Variants in CACHD1 observed in about 807,000 individuals in gnomAD.
The protein encoded by CACHD1 is cache domain containing 1, also known as VWFA and cache domain-containing protein 1.
CACHD1 carries 71 observed loss-of-function variants against 138.7 expected under a neutral mutation model. That is an observed-to-expected ratio of 0.51 (90% CI 0.42 to 0.62). The LOEUF (loss-of-function observed/expected upper bound fraction) is 0.62, where lower values mean the gene tolerates loss of function less well. Among genes scored for constraint, CACHD1 ranks in the 20% least tolerant of loss-of-function variants. The pLI, the probability that CACHD1 is intolerant of heterozygous loss-of-function variation, is 0.00. For missense variants in CACHD1, 1,389 were observed against 1,625.3 expected (o/e 0.85, Z 2.50); for synonymous variants, 578 against 591.5 (o/e 0.98, Z 0.33).
chr1:64,486,206 GT>G (rs1268340318), intron 1 of CACHD1, among the ~76,000 whole-genome samples: 1 of 151,992 alleles, frequency 6.6e-6, no homozygotes, highest in East Asian at 1.9e-4. Flanking sequence ...AAATTGGGCT[GT>G]TTATTATCGA....
At chr1:64,647,063 TAAA>T (rs536997765) in intron 8 of CACHD1, among the ~76,000 whole-genome samples, 12 of 124,362 alleles carry the variant, frequency 9.6e-5, no homozygotes, top group Non-Finnish European at 1.8e-4. Flanking sequence ...AATAGCAAAC[TAAA>T]AAAAAAAAAA....
chr1:64,521,044 G>C (rs1242265177), intron 1 of CACHD1, among the ~76,000 whole-genome samples: 1 of 152,108 alleles, frequency 6.6e-6, no homozygotes, highest in Non-Finnish European at 1.5e-5. Flanking sequence ...GTTTCTTTAG[G>C]GTAGAACTCT....
intron 16 of CACHD1, among the ~76,000 whole-genome samples, chr1:64,667,015 C>G (rs1649658655): frequency 6.6e-6 from 1 of 151,838 alleles, no homozygotes; most frequent in African/African-American, 2.4e-5. Flanking sequence ...AATTAAAAGG[C>G]TTTTTGAAAA....
At position 64,673,200 on chromosome 1, in the gene CACHD1, G is replaced by T; in HGVS notation, c.2553G>T (p.Pro851=). Reference sequence around the variant, plus strand: ...ACAGGGGTTATCTGGTGGCGCACCCGACTCTCATCGACCCCAAAGGACATG... The same window carrying T: ...ACAGGGGTTATCTGGTGGCGCACCCTACTCTCATCGACCCCAAAGGACATG... The part of the protein sequence containing the change: ...MEDRGYLVAH[P]TLIDPKGHAP... Residue 851 remains proline, a synonymous_variant, in exon 18 of 27, where the codon CCG becomes CCT. Coordinates refer to ENST00000651257, the MANE Select transcript of CACHD1 (RefSeq NM_020925.4). 1.2e-6 allele frequency: 2 copies of T among 1,613,736 alleles called. No homozygotes were observed. Among genetic ancestry groups the T allele is most frequent in the Non-Finnish European group, 1.7e-6 (2 of 1,179,984 alleles).
intron 3 of CACHD1, 140 bp downstream of exon 3, chr1:64,582,444 CT>C: frequency 2.7e-6 from 2 of 734,226 alleles, no homozygotes; most frequent in Non-Finnish European, 4.3e-6. Flanking sequence ...AGCCCTTTAT[CT>C]TTAGATAAGT....
intron 8 of CACHD1, among the ~76,000 whole-genome samples, chr1:64,644,016 G>C (rs1156487022): frequency 1.3e-5 from 2 of 152,202 alleles, no homozygotes; most frequent in African/African-American, 4.8e-5. Flanking sequence ...ACTATAGTAA[G>C]GTGCTCACAT....
chr1:64,563,483 C>A (rs780947014), intron 2 of CACHD1, among the ~76,000 whole-genome samples: 16 of 152,194 alleles, frequency 1.1e-4, no homozygotes, highest in Non-Finnish European at 4.4e-5. Flanking sequence ...AAATTCTATC[C>A]TTTTGTTCAT....
chr1:64,555,119 G>A (rs1293223973), intron 2 of CACHD1, among the ~76,000 whole-genome samples: 2 of 152,074 alleles, frequency 1.3e-5, no homozygotes, highest in Non-Finnish European at 2.9e-5. Flanking sequence ...CTCCCAAATA[G>A]CTGGGACCAC....
intron 1 of CACHD1, among the ~76,000 whole-genome samples, chr1:64,482,364 G>C (rs1193853817): frequency 6.6e-6 from 1 of 152,128 alleles, no homozygotes; most frequent in Non-Finnish European, 1.5e-5. Context: ...TATTTCTCAT[G>C]ACAGCCCAAA....
chr1:64,670,223 C>T (rs371403247), intron 16 of CACHD1, among the ~76,000 whole-genome samples: 1 of 151,816 alleles, frequency 6.6e-6, no homozygotes, highest in Non-Finnish European at 1.5e-5. Flanking sequence ...ATCACTTGAG[C>T]CCCCAGGAGC....
At chr1:64,583,432 A>C (rs916192751) in intron 3 of CACHD1, among the ~76,000 whole-genome samples, 1 of 152,196 alleles carries the variant, frequency 6.6e-6, no homozygotes, top group Non-Finnish European at 1.5e-5. Flanking sequence ...TCTTTGAGCA[A>C]CCCTGTCTTT....
rs1649180554 is a variant in CACHD1, at chr1:64,653,831, A to G, written c.1614A>G (p.Ile538Met). 2 of 1,612,180 alleles carry G rather than the reference A, an allele frequency of 1.2e-6. No individual in the cohort carries two copies. Among genetic ancestry groups the G allele is most frequent in the Non-Finnish European group, 8.5e-7 (1 of 1,178,314 alleles). ...AGCCCCCACTTCATACTGACATCAT[A>G]CATTATGAAAATATTCCAAAATTTG... Reference protein sequence around the residue: ...LSEPPLHTDIIHYENIPKFEL... With the variant: ...LSEPPLHTDIMHYENIPKFEL... The change falls in exon 11 of 27, where the codon ATA becomes ATG. Residue 538 changes from isoleucine to methionine, a missense_variant. Physicochemically the swap from Ile to Met is conservative, Grantham distance 10 (BLOSUM62 1). Around this residue, in one of 5 missense-constraint regions of CACHD1, gnomAD observed 1,000 missense variants for 1,114.7 expected, o/e 0.90. Transcript: ENST00000651257.
intron 2 of CACHD1, among the ~76,000 whole-genome samples, chr1:64,554,006 A>G (rs1646778675): frequency 6.6e-6 from 1 of 151,934 alleles, no homozygotes; most frequent in South Asian, 2.1e-4. Context: ...TATAGCTGAC[A>G]TTGTTTGGGC....
chr1:64,608,393 G>A lies in CACHD1; in HGVS notation c.517+5481G>A, dbSNP rs911970052. Among the ~76,000 whole-genome samples the A allele has an allele frequency of 2.6e-5, 4 of 152,130 alleles. No individual in the cohort carries two copies. The East Asian group carries it at 7.7e-4, about 29-fold the overall frequency. Reference sequence around the variant, plus strand: ...TAATGTACTTTGTAGGTTATCACATGTCTGATATTTACATCTGCAAGATGT... The same window carrying A: ...TAATGTACTTTGTAGGTTATCACATATCTGATATTTACATCTGCAAGATGT... On this transcript the variant is annotated intron_variant, in intron 4 of 26. Transcript: ENST00000651257.
At chr1:64,634,001 G>A (rs762197555) in intron 6 of CACHD1, 43 bp from the exon 7 acceptor site, 27 of 1,476,692 alleles carry the variant, frequency 1.8e-5, no homozygotes, top group Non-Finnish European at 2.4e-5. Context: ...TTAGACGGTA[G>A]GATAACAAGT....
intron 26 of CACHD1, among the ~76,000 whole-genome samples, chr1:64,685,397 A>T (rs776744540): frequency 2.3e-4 from 35 of 152,320 alleles, no homozygotes; most frequent in Middle Eastern, 3.4e-3. Context: ...CTCATAATGT[A>T]TCTCTGTCAT....
At chr1:64,659,370 T>G (rs1003510386) in intron 13 of CACHD1, among the ~76,000 whole-genome samples, 1 of 152,148 alleles carries the variant, frequency 6.6e-6, no homozygotes, top group East Asian at 1.9e-4. Flanking sequence ...GGTAAACATG[T>G]AAGTATGGGG....
At chr1:64,607,516 G>A (rs995517261) in intron 4 of CACHD1, among the ~76,000 whole-genome samples, 1 of 152,154 alleles carries the variant, frequency 6.6e-6, no homozygotes, top group Non-Finnish European at 1.5e-5. Context: ...TTTGCTCAAA[G>A]GAAAGTTAGA....
chr1:64,619,866 A>G (rs187640388), intron 4 of CACHD1, among the ~76,000 whole-genome samples: 4 of 152,304 alleles, frequency 2.6e-5, no homozygotes, highest in Non-Finnish European at 5.9e-5. Context: ...TAATAACTGT[A>G]TGGACATAGA....
Sources: gnomAD v4.1 joint callset for allele counts (sites outside exome capture counted in the v4.1 genomes callset) on GRCh38, gnomAD v4.1.1 for gene constraint, gnomAD v4.1.1 regional missense constraint, MANE v1.5 for transcripts, NCBI Gene and HGNC (gene_info 2026-07-23, HGNC 2026-07-21) for gene names.